Variants in MFHAS1 observed in about 807,000 individuals in gnomAD.
MFHAS1 encodes malignant fibrous histiocytoma-amplified sequence 1.
A neutral mutation model predicts 70.4 loss-of-function variants in MFHAS1; 50 were observed. The observed-to-expected ratio is 0.71, with a 90% confidence interval of 0.57 to 0.90. The LOEUF (loss-of-function observed/expected upper bound fraction) is 0.90. Among genes scored for constraint, MFHAS1 ranks in the 40% least tolerant of loss-of-function variants. MFHAS1 has a pLI of 0.00. For synonymous variants in MFHAS1, 952 were observed against 620.0 expected (o/e 1.54, Z -7.96); for missense variants, 1,795 against 1,347.6 (o/e 1.33, Z -5.20).
intron 1 of MFHAS1, among the ~76,000 whole-genome samples, chr8:8,882,661 A>G (rs908467669): frequency 4.6e-5 from 7 of 152,182 alleles, no homozygotes; most frequent in Non-Finnish European, 8.8e-5. Flanking sequence ...TTCTTTCAAA[A>G]TAACCAACCT....
intron 1 of MFHAS1, among the ~76,000 whole-genome samples, chr8:8,849,806 G>A (rs753371158): frequency 1.2e-4 from 19 of 152,198 alleles, no homozygotes; most frequent in Non-Finnish European, 1.6e-4. Context: ...TCTCTCAGAG[G>A]GAACCAAATC....
chr8:8,872,925 G>A (rs1358670340), intron 1 of MFHAS1, among the ~76,000 whole-genome samples: 1 of 152,216 alleles, frequency 6.6e-6, no homozygotes. Context: ...ATCCCAGACA[G>A]GCAGCAGAAC....
chr8:8,849,866 G>A (rs141553622), intron 1 of MFHAS1, among the ~76,000 whole-genome samples: 1 of 152,314 alleles, frequency 6.6e-6, no homozygotes, highest in East Asian at 1.9e-4. Flanking sequence ...ATGACCCAGG[G>A]AAAACTCCAT....
intron 1 of MFHAS1, among the ~76,000 whole-genome samples, chr8:8,835,030 C>G (rs1510933): frequency 0.78 from 118,362 of 152,126 alleles, 46,735 homozygotes; most frequent in East Asian, 0.9. Context: ...AGGAAGTTTG[C>G]AAACCTCTAA....
chr8:8,853,211 C>A (rs188007643), intron 1 of MFHAS1, among the ~76,000 whole-genome samples: 2 of 151,892 alleles, frequency 1.3e-5, no homozygotes, highest in Admixed American at 6.6e-5. Context: ...ACTCACATAC[C>A]CCCCAAAAAA....
chr8:8,872,995 G>C (rs1045857463), intron 1 of MFHAS1, among the ~76,000 whole-genome samples: 42 of 152,150 alleles, frequency 2.8e-4, no homozygotes, highest in African/African-American at 9.7e-4. Context: ...ATCTGGGAGT[G>C]AGGGGTGTCA....
chr8:8,892,884 G>A lies in MFHAS1; in HGVS notation c.175C>T (p.Pro59Ser). 2 of 1,582,968 alleles carry A rather than the reference G, an allele frequency of 1.3e-6. No individual in the cohort carries two copies. The highest frequency in any genetic ancestry group is 8.6e-7 in the Non-Finnish European group (1 of 1,166,786). Residue 59 changes from proline (P) to serine (S), a missense_variant, in exon 1 of 3, where the codon CCG (proline) becomes TCG (serine). Coordinates refer to ENST00000276282, the MANE Select transcript of MFHAS1 (RefSeq NM_004225.3). The surrounding 1 kb of genome is among the most constrained non-coding windows in gnomAD (Gnocchi z 4.7). ...ESPASPQLVL[P>S]ANLGDIEALN... Reference sequence around the variant, plus strand: ...GCCTCAATGTCCCCGAGGTTGGCCGGCAGCACGAGCTGGGGGGAGGCGGGG... The same window carrying A: ...GCCTCAATGTCCCCGAGGTTGGCCGACAGCACGAGCTGGGGGGAGGCGGGG...
chr8:8,818,147 C>G (rs1806816232), intron 1 of MFHAS1, among the ~76,000 whole-genome samples: 1 of 152,184 alleles, frequency 6.6e-6, no homozygotes, highest in Non-Finnish European at 1.5e-5. Context: ...ACCTGACCAG[C>G]TTTCAGAGCG....
At chr8:8,862,868 T>C (rs1808719414) in intron 1 of MFHAS1, among the ~76,000 whole-genome samples, 1 of 152,240 alleles carries the variant, frequency 6.6e-6, no homozygotes, top group Non-Finnish European at 1.5e-5. Context: ...AATTTTGCTG[T>C]GAACCTAAAA....
intron 1 of MFHAS1, among the ~76,000 whole-genome samples, chr8:8,870,803 C>T (rs1466984259): frequency 6.6e-6 from 1 of 152,226 alleles, no homozygotes; most frequent in Non-Finnish European, 1.5e-5. Context: ...GGCCTTGCTC[C>T]CCTCCCATGC....
rs1807256988 is a variant in MFHAS1, at chr8:8,828,744, T to C, written c.2999-31253A>G. Among the ~76,000 whole-genome samples the C allele has an allele frequency of 2.0e-5, 3 of 152,174 alleles. No homozygotes were observed. The South Asian group carries it at 6.2e-4, about 32-fold the overall frequency. On this transcript the variant is annotated intron_variant, in intron 1 of 2. Coordinates refer to ENST00000276282, the MANE Select transcript of MFHAS1 (RefSeq NM_004225.3). ...GCCCACGCCACCTTTATCTGTGCAG[T>C]CCTCACGGCGTGCATAGCCTGGAAA...
chr8:8,786,935 GCAAAACAAAA>G (rs368135873), intron 2 of MFHAS1, among the ~76,000 whole-genome samples: 1 of 151,620 alleles, frequency 6.6e-6, no homozygotes, highest in African/African-American at 2.4e-5. Context: ...GCAAAGCAAA[GCAAAACAAAA>G]CAAAACAAAA....
At chr8:8,845,145 G>C (rs1270357877) in intron 1 of MFHAS1, among the ~76,000 whole-genome samples, 1 of 152,174 alleles carries the variant, frequency 6.6e-6, no homozygotes, top group Non-Finnish European at 1.5e-5. Context: ...CATATGCAAA[G>C]AGGATAAAAT....
intron 1 of MFHAS1, among the ~76,000 whole-genome samples, chr8:8,886,883 T>C (rs753012003): frequency 6.6e-6 from 1 of 152,214 alleles, no homozygotes. Context: ...CCCAGCACTT[T>C]GCGAGACTGA....
intron 1 of MFHAS1, among the ~76,000 whole-genome samples, chr8:8,862,724 T>C (rs1667301867): frequency 6.6e-6 from 1 of 152,166 alleles, no homozygotes; most frequent in Admixed American, 6.5e-5. Flanking sequence ...CTACTGGACT[T>C]CGTGTGACAA....
intron 1 of MFHAS1, among the ~76,000 whole-genome samples, chr8:8,881,346 G>A (rs771859009): frequency 2.0e-5 from 3 of 152,162 alleles, no homozygotes; most frequent in Non-Finnish European, 2.9e-5. Flanking sequence ...TGTTATCCAC[G>A]CAGCCACCAT....
chr8:8,886,283 A>T (rs1055925234), intron 1 of MFHAS1, among the ~76,000 whole-genome samples: 1 of 151,836 alleles, frequency 6.6e-6, no homozygotes, highest in Non-Finnish European at 1.5e-5. Context: ...GTCCCACCTC[A>T]GCCCCCCAAC....
intron 1 of MFHAS1, among the ~76,000 whole-genome samples, chr8:8,885,337 A>T (rs1393869809): frequency 6.6e-6 from 1 of 152,172 alleles, no homozygotes; most frequent in African/African-American, 2.4e-5. Context: ...GGAGAGTAGG[A>T]TATTTAGTGA....
At chr8:8,800,374 A>G (rs1264346020) in intron 1 of MFHAS1, among the ~76,000 whole-genome samples, 1 of 152,242 alleles carries the variant, frequency 6.6e-6, no homozygotes, top group Non-Finnish European at 1.5e-5. Context: ...AAAAATGTAA[A>G]TGTTAAATGC....
Sources: gnomAD v4.1 joint callset for allele counts (sites outside exome capture counted in the v4.1 genomes callset) on GRCh38, gnomAD v4.1.1 for gene constraint, Gnocchi (gnomAD v3.1) non-coding constraint, MANE v1.5 for transcripts, NCBI Gene and HGNC (gene_info 2026-07-23, HGNC 2026-07-21) for gene names.